The following SCN10A variants were observed in gnomAD, a reference collection of about 807,000 sequenced individuals.
The protein encoded by SCN10A is sodium channel protein type 10 subunit alpha.
SCN10A carries 162 observed loss-of-function variants against 170.7 expected under a neutral mutation model. That is an observed-to-expected ratio of 0.95 (90% CI 0.84 to 1.08). SCN10A has a LOEUF of 1.08. Among genes scored for constraint, SCN10A ranks in the 50% least tolerant of loss-of-function variants. SCN10A has a pLI of 0.00. For synonymous variants in SCN10A, 985 were observed against 904.6 expected (o/e 1.09, Z -1.59); for missense variants, 2,527 against 2,436.9 (o/e 1.04, Z -0.78).
chr3:38,780,065 A>G (rs982468546), intron 4 of SCN10A, among the ~76,000 whole-genome samples: 2 of 151,862 alleles, frequency 1.3e-5, no homozygotes, highest in African/African-American at 4.8e-5. Flanking sequence ...ATACTTTTTA[A>G]TACATTTGAT....
intron 11 of SCN10A, among the ~76,000 whole-genome samples, chr3:38,753,913 C>T (rs933476744): frequency 2.0e-5 from 3 of 152,180 alleles, no homozygotes; most frequent in Middle Eastern, 3.2e-3. Context: ...TCCACAAAAA[C>T]CCTCCTGGGT....
intron 4 of SCN10A, among the ~76,000 whole-genome samples, chr3:38,782,245 T>C (rs2064146822): frequency 6.6e-6 from 1 of 152,148 alleles, no homozygotes; most frequent in African/African-American, 2.4e-5. Context: ...TTCCTCTTTC[T>C]GCTTCCATTT....
At chr3:38,722,761 C>T (rs1027658041) in intron 19 of SCN10A, among the ~76,000 whole-genome samples, 8 of 152,168 alleles carry the variant, frequency 5.3e-5, no homozygotes, top group Non-Finnish European at 8.8e-5. Flanking sequence ...TGCTCCAAGC[C>T]CAAGCTGAAC....
At chr3:38,725,909 G>A (rs1282213485) in intron 17 of SCN10A, among the ~76,000 whole-genome samples, 1 of 152,186 alleles carries the variant, frequency 6.6e-6, no homozygotes, top group Non-Finnish European at 1.5e-5. Context: ...GAAGGCTATG[G>A]GAGAGCTACA....
intron 1 of SCN10A, among the ~76,000 whole-genome samples, chr3:38,805,892 G>A (rs1165980380): frequency 1.3e-5 from 2 of 152,148 alleles, no homozygotes; most frequent in African/African-American, 4.8e-5. Context: ...ATAATAGCTA[G>A]GTAATCTGTT....
At chr3:38,771,923 T>C (rs2126041457) in intron 4 of SCN10A, among the ~76,000 whole-genome samples, 1 of 152,308 alleles carries the variant, frequency 6.6e-6, no homozygotes, top group South Asian at 2.1e-4. Flanking sequence ...ATGCTAAGTA[T>C]CTCTGAAAGC....
intron 1 of SCN10A, among the ~76,000 whole-genome samples, chr3:38,811,389 G>A (rs2064440439): frequency 6.6e-6 from 1 of 150,572 alleles, no homozygotes; most frequent in Non-Finnish European, 1.5e-5. Context: ...GAAGGTGGAG[G>A]TTGCAGTGAG....
intron 11 of SCN10A, among the ~76,000 whole-genome samples, chr3:38,753,071 C>T (rs1425306080): frequency 6.6e-6 from 1 of 152,172 alleles, no homozygotes; most frequent in East Asian, 1.9e-4. Context: ...CAATGAGTTT[C>T]TAGGATCCCT....
chr3:38,701,883 C>T lies in SCN10A; in HGVS notation c.4613G>A (p.Gly1538Asp). ...FALRQYYFTN[G>D]WNVFDFIVVV... is the part of the protein sequence containing the mutation. ...CACAATGAAGTCAAACACATTCCAG[C>T]CATTTGTGAAGTAGTACTGCCTCAA... The change falls in exon 27 of 28, where the codon GGC (glycine) becomes GAC (aspartate). Residue 1538 changes from glycine to aspartate, a missense_variant. Gly to Asp is a moderately conservative substitution (Grantham distance 94). Coordinates refer to ENST00000449082, the MANE Select transcript of SCN10A (RefSeq NM_006514.4). The T allele has an allele frequency of 6.2e-7, 1 of 1,613,576 alleles. No individual in the cohort carries two copies. The highest frequency in any genetic ancestry group is 8.5e-7 in the Non-Finnish European group (1 of 1,179,778).
intron 11 of SCN10A, among the ~76,000 whole-genome samples, chr3:38,753,129 C>G (rs1207458805): frequency 2.6e-5 from 4 of 152,158 alleles, no homozygotes; most frequent in Admixed American, 6.5e-5. Flanking sequence ...AGGGTTGCAG[C>G]CTAATTTCCT....
chr3:38,802,306 A>G (rs1395415719), intron 1 of SCN10A, among the ~76,000 whole-genome samples: 1 of 152,210 alleles, frequency 6.6e-6, no homozygotes, highest in Non-Finnish European at 1.5e-5. Flanking sequence ...GTCTGTGGCC[A>G]CATTTGAAAC....
chr3:38,730,222 T>C (rs1258075856), intron 15 of SCN10A, among the ~76,000 whole-genome samples: 3 of 152,098 alleles, frequency 2.0e-5, no homozygotes, highest in Non-Finnish European at 4.4e-5. Flanking sequence ...GCAAGGAAAA[T>C]TGAATGGCTG....
At position 38,713,976 on chromosome 3, in the gene SCN10A, A is replaced by G; in HGVS notation, c.3786T>C (p.Ser1262=). The change falls in exon 22 of 28, where the codon TCT becomes TCC. Residue 1262 remains serine (S), a synonymous_variant. Coordinates refer to ENST00000449082, the MANE Select transcript of SCN10A (RefSeq NM_006514.4). The part of the protein sequence containing the change: ...LRALRPLRAL[S]RFEGMRVVVD... ...GACTTACCCGCATGCCTTCAAATCG[A>G]GAAAGAGCCCGCAGTGGCCGCAGAG... is the stretch of plus-strand genomic sequence containing the variant. 1.2e-6 allele frequency: 2 copies of G among 1,613,758 alleles called. No homozygotes were observed. The highest frequency in any genetic ancestry group is 1.7e-6 in the Non-Finnish European group (2 of 1,180,042).
At chr3:38,768,820 T>A (rs1224866083) in intron 5 of SCN10A, among the ~76,000 whole-genome samples, 1 of 152,208 alleles carries the variant, frequency 6.6e-6, no homozygotes, top group Non-Finnish European at 1.5e-5. Context: ...CAGGGAAGTT[T>A]TCCTCAATTA....
chr3:38,770,039 T>C (rs1297953586), intron 5 of SCN10A, among the ~76,000 whole-genome samples: 1 of 152,172 alleles, frequency 6.6e-6, no homozygotes, highest in Non-Finnish European at 1.5e-5. Flanking sequence ...GAATGCTAGT[T>C]ATGTTAGCAG....
chr3:38,723,581 A>G, intron 18 of SCN10A, 28 bp from the exon 19 acceptor site: 1 of 1,562,160 alleles, frequency 6.4e-7, no homozygotes, highest in Non-Finnish European at 8.7e-7. Flanking sequence ...AGGGCAGTGA[A>G]CTCGTCTCTC....
chr3:38,792,990 C>T (rs1251720234), intron 2 of SCN10A, among the ~76,000 whole-genome samples: 5 of 151,726 alleles, frequency 3.3e-5, no homozygotes, highest in Non-Finnish European at 7.4e-5. Flanking sequence ...CCTATATATA[C>T]ATAACTAGCT....
chr3:38,714,762 C>A (rs2063313131), intron 21 of SCN10A, among the ~76,000 whole-genome samples: 1 of 152,140 alleles, frequency 6.6e-6, no homozygotes, highest in Non-Finnish European at 1.5e-5. Context: ...GACTTGTGAG[C>A]CCCTTTTGGT....
At chr3:38,799,110 G>A (rs545347139) in intron 1 of SCN10A, among the ~76,000 whole-genome samples, 1 of 152,216 alleles carries the variant, frequency 6.6e-6, no homozygotes, top group Admixed American at 6.5e-5. Flanking sequence ...TCAGGTGGGA[G>A]GGGTTCTTTC....
Sources: gnomAD v4.1 joint callset for allele counts (sites outside exome capture counted in the v4.1 genomes callset) on GRCh38, gnomAD v4.1.1 for gene constraint, MANE v1.5 for transcripts, NCBI Gene and HGNC (gene_info 2026-07-23, HGNC 2026-07-21) for gene names.